Variants in AFG1L observed in about 807,000 individuals in gnomAD.
The protein encoded by AFG1L is AFG1 like ATPase, also known as AFG1-like ATPase.
AFG1L carries 53 observed loss-of-function variants against 62.2 expected under a neutral mutation model. The observed-to-expected ratio is 0.85, with a 90% CI of 0.68 to 1.07. The LOEUF is 1.07. Among genes scored for constraint, AFG1L ranks in the 50% least tolerant of loss-of-function variants. The pLI is 0.00. For synonymous variants in AFG1L, 228 were observed against 210.3 expected, an observed-to-expected ratio of 1.08 and a Z score of -0.73; for missense variants, 555 against 590.5, an observed-to-expected ratio of 0.94 and a Z score of 0.62.
chr6:108,478,520 T>C (rs1180860236), intron 10 of AFG1L, among the ~76,000 whole-genome samples: 2 of 152,248 alleles, frequency 1.3e-5, no homozygotes, highest in East Asian at 1.9e-4. Flanking sequence ...TGTTGATCTC[T>C]GTTAGTGAAA....
chr6:108,478,307 G>T (rs929027713), intron 10 of AFG1L, among the ~76,000 whole-genome samples: 6 of 152,138 alleles, frequency 3.9e-5, no homozygotes, highest in African/African-American at 1.4e-4. Context: ...CGTTGTGGCG[G>T]GCGCCTGTAG....
At chr6:108,481,932 T>C (rs1207663149) in intron 10 of AFG1L, among the ~76,000 whole-genome samples, 1 of 152,178 alleles carries the variant, frequency 6.6e-6, no homozygotes, top group Non-Finnish European at 1.5e-5. Flanking sequence ...TTCTTGAAAA[T>C]GAATGAAATA....
intron 10 of AFG1L, among the ~76,000 whole-genome samples, chr6:108,508,806 C>T (rs1250043944): frequency 6.6e-6 from 1 of 152,136 alleles, no homozygotes; most frequent in Non-Finnish European, 1.5e-5. Flanking sequence ...TCCTAATTCT[C>T]CCAGGAATAT....
At chr6:108,424,256 C>T (rs963798889) in intron 7 of AFG1L, among the ~76,000 whole-genome samples, 1 of 152,020 alleles carries the variant, frequency 6.6e-6, no homozygotes, top group Non-Finnish European at 1.5e-5. Context: ...GTTGCTAAGG[C>T]TCTCATGAAG....
At chr6:108,348,065 G>GTTTTGTTTTTGT (rs368344668) in intron 3 of AFG1L, among the ~76,000 whole-genome samples, 5 of 151,836 alleles carry the variant, frequency 3.3e-5, no homozygotes, top group African/African-American at 1.2e-4. Flanking sequence ...AGTAGGTTTT[G>GTTTTGTTTTTGT]TTTTGTTTTT....
intron 3 of AFG1L, among the ~76,000 whole-genome samples, chr6:108,348,147 C>T (rs955032624): frequency 2.7e-4 from 41 of 152,300 alleles, no homozygotes; most frequent in African/African-American, 9.4e-4. Context: ...GGCGCGATCT[C>T]GGCTCACTGC....
chr6:108,360,858 A>G (rs191899670), intron 5 of AFG1L, among the ~76,000 whole-genome samples: 2 of 152,260 alleles, frequency 1.3e-5, no homozygotes, highest in East Asian at 3.9e-4. Context: ...ATACTCCAAA[A>G]TGTTGCTGCA....
chr6:108,410,025 G>T (rs1422765917), intron 7 of AFG1L, among the ~76,000 whole-genome samples: 2 of 152,056 alleles, frequency 1.3e-5, no homozygotes, highest in African/African-American at 2.4e-5. Context: ...TACATTTTTG[G>T]CTGGGCGCAG....
chr6:108,316,793 A>G (rs1177475500), intron 1 of AFG1L, among the ~76,000 whole-genome samples: 1 of 151,990 alleles, frequency 6.6e-6, no homozygotes, highest in Non-Finnish European at 1.5e-5. Flanking sequence ...TGGCCTCCCA[A>G]AGTCCTGGGA....
At chr6:108,413,843 A>G (rs1202340209) in intron 7 of AFG1L, among the ~76,000 whole-genome samples, 1 of 152,218 alleles carries the variant, frequency 6.6e-6, no homozygotes, top group Non-Finnish European at 1.5e-5. Context: ...ACACCCTACC[A>G]TCACAATTAA....
chr6:108,429,093 T>C (rs1562155493), intron 7 of AFG1L, among the ~76,000 whole-genome samples: 1 of 152,184 alleles, frequency 6.6e-6, no homozygotes, highest in Non-Finnish European at 1.5e-5. Context: ...TTGTATAAGG[T>C]AAGGGATAGG....
intron 4 of AFG1L, among the ~76,000 whole-genome samples, chr6:108,356,407 A>C (rs1446116182): frequency 6.6e-6 from 1 of 152,230 alleles, no homozygotes; most frequent in East Asian, 1.9e-4. Context: ...GTGTTGATGC[A>C]TCTAATCACT....
intron 7 of AFG1L, among the ~76,000 whole-genome samples, chr6:108,419,241 A>G (rs1047219161): frequency 2.0e-5 from 3 of 152,210 alleles, no homozygotes; most frequent in Non-Finnish European, 2.9e-5. Context: ...GCAAGATTGT[A>G]TGTAGTGTTT....
intron 8 of AFG1L, among the ~76,000 whole-genome samples, chr6:108,465,665 G>A (rs1772636035): frequency 6.6e-6 from 1 of 152,024 alleles, no homozygotes; most frequent in Non-Finnish European, 1.5e-5. Flanking sequence ...CACTGCTGCT[G>A]CTGCTGCTGC....
intron 1 of AFG1L, among the ~76,000 whole-genome samples, chr6:108,316,722 C>T (rs904158016): frequency 6.6e-6 from 1 of 151,730 alleles, no homozygotes; most frequent in East Asian, 2.0e-4. Flanking sequence ...TTAGTAGAGA[C>T]GGGGTTTCAC....
rs187518493 is a variant in AFG1L at position 108,350,078 on chromosome 6, C to T, written c.415+3039C>T. Among the ~76,000 whole-genome samples the T allele has an allele frequency of 1.7e-3, 261 of 149,370 alleles. 1 individual carries two copies. Among genetic ancestry groups the T allele is most frequent in the African/African-American group, 6.2e-3 (249 of 40,374 alleles). On this transcript the variant is annotated intron_variant, in intron 3 of 12. Coordinates refer to ENST00000368977, the MANE Select transcript of AFG1L (RefSeq NM_145315.5). ...CTCTACTAAAAGTACAAAAATTAGC[C>T]GGGTGTGGTGGTGGGTGCCTGTAGT... is the stretch of plus-strand genomic sequence containing the variant.
chr6:108,297,597 G>A (rs2114809663), intron 1 of AFG1L, among the ~76,000 whole-genome samples: 1 of 151,954 alleles, frequency 6.6e-6, no homozygotes, highest in East Asian at 1.9e-4. Flanking sequence ...GCTCACACCT[G>A]TAATCCTGGC....
rs184777424 is a variant in AFG1L, at chr6:108,389,701, T to C, written c.749-12295T>C. Among the ~76,000 whole-genome samples the C allele has an allele frequency of 4.4e-3, 666 of 152,302 alleles. 5 individuals are homozygous for C. The highest frequency in any genetic ancestry group is 0.014 in the African/African-American group (590 of 41,566). On this transcript the variant is annotated intron_variant, in intron 6 of 12. Transcript: ENST00000368977. Reference sequence around the variant, plus strand: ...TCTTTCCTTTAAGAATGTTGAATATTGGCCCCCACTCTCCTCTGGCTTGTA... The same window carrying C: ...TCTTTCCTTTAAGAATGTTGAATATCGGCCCCCACTCTCCTCTGGCTTGTA...
At chr6:108,463,890 C>T (rs1772563515) in intron 8 of AFG1L, among the ~76,000 whole-genome samples, 1 of 152,158 alleles carries the variant, frequency 6.6e-6, no homozygotes, top group East Asian at 1.9e-4. Flanking sequence ...TAATTTTAGA[C>T]CTGCCTCCAG....
Sources: gnomAD v4.1 joint callset for allele counts (sites outside exome capture counted in the v4.1 genomes callset) on GRCh38, gnomAD v4.1.1 for gene constraint, MANE v1.5 for transcripts, NCBI Gene and HGNC (gene_info 2026-07-23, HGNC 2026-07-21) for gene names.